Variants in ASRGL1 observed in about 807,000 individuals in gnomAD.
The protein encoded by ASRGL1 is asparaginase and isoaspartyl peptidase 1, also known as isoaspartyl peptidase/L-asparaginase.
ASRGL1 carries 16 observed loss-of-function variants against 22.4 expected under a neutral mutation model. That is an observed-to-expected ratio of 0.71 (90% CI 0.48 to 1.08). The LOEUF (loss-of-function observed/expected upper bound fraction) is 1.08, where lower values mean the gene tolerates loss of function less well. Ranked by LOEUF, ASRGL1 falls within the 50% of genes least tolerant of loss-of-function variation. The pLI is 0.00. For missense variants in ASRGL1, 412 were observed against 410.1 expected (o/e 1.00, Z -0.04); for synonymous variants, 165 against 159.3 (o/e 1.04, Z -0.27).
In ASRGL1 at chr11:62,392,270, A is replaced by G; in HGVS notation, c.913A>G (p.Thr305Ala). ...FGIDPDDTTI[T>A]DLP Reference sequence around the variant, plus strand: ...AATTGATCCTGACGATACTACTATCACCGACCTTCCCTAAGCCGCTGGAAG... The same window carrying G: ...AATTGATCCTGACGATACTACTATCGCCGACCTTCCCTAAGCCGCTGGAAG... Residue 305 changes from threonine (T) to alanine (A), a missense_variant, in exon 7 of 7, where the codon ACC becomes GCC. Physicochemically the swap from Thr to Ala is moderately conservative, Grantham distance 58 (BLOSUM62 0). Transcript: ENST00000415229. 6.2e-7 allele frequency: 1 copy of G among 1,613,714 alleles called. No homozygotes were observed. Among genetic ancestry groups the G allele is most frequent in the Middle Eastern group, 1.8e-4 (1 of 5,682 alleles).
intron 2 of ASRGL1, among the ~76,000 whole-genome samples, chr11:62,352,030 T>C (rs1242517365): frequency 2.0e-5 from 3 of 152,202 alleles, no homozygotes; most frequent in Non-Finnish European, 4.4e-5. Context: ...ATTGTTTCCA[T>C]TTGCCCTTAT....
At chr11:62,382,530 T>C (rs1021603969) in intron 4 of ASRGL1, 3 of 151,930 alleles carry the variant, frequency 2.0e-5, no homozygotes, top group Non-Finnish European at 2.9e-5. Flanking sequence ...AAATAGAACA[T>C]ACAATCGGGT....
chr11:62,359,928 T>C (rs1184508806), intron 4 of ASRGL1, among the ~76,000 whole-genome samples: 2 of 152,012 alleles, frequency 1.3e-5, no homozygotes, highest in Non-Finnish European at 2.9e-5. Context: ...AACTTTAACA[T>C]TAATAAAAAT....
chr11:62,389,667 G>C, intron 5 of ASRGL1: 1 of 328,578 alleles, frequency 3.0e-6, no homozygotes, highest in South Asian at 2.6e-5. Flanking sequence ...TGTTAGATCT[G>C]AGCAGCATGA....
intron 2 of ASRGL1, among the ~76,000 whole-genome samples, chr11:62,347,424 G>C (rs1024863004): frequency 6.6e-6 from 1 of 152,078 alleles, no homozygotes; most frequent in Non-Finnish European, 1.5e-5. Context: ...TTACACGATT[G>C]GTTCCCTGGC....
chr11:62,386,375 T>C (rs1449771904), intron 4 of ASRGL1, among the ~76,000 whole-genome samples: 1 of 94,586 alleles, frequency 1.1e-5, no homozygotes, highest in Admixed American at 1.1e-4. Context: ...CTATAGTATA[T>C]TGTTATAATT....
At chr11:62,394,732 T>G (rs1947411988), downstream of ASRGL1, among the ~76,000 whole-genome samples, 1 of 152,196 alleles carries the variant, frequency 6.6e-6, no homozygotes, top group African/African-American at 2.4e-5. Flanking sequence ...TGTGGCCACT[T>G]GACCTCTTTA....
downstream of ASRGL1, among the ~76,000 whole-genome samples, chr11:62,395,745 T>G (rs1947424835): frequency 1.3e-5 from 2 of 150,184 alleles, no homozygotes; most frequent in South Asian, 4.2e-4. Flanking sequence ...TGCATTTGGA[T>G]TTTGTAGCTG....
chr11:62,394,714 G>A (rs1229702094), downstream of ASRGL1, among the ~76,000 whole-genome samples: 2 of 152,170 alleles, frequency 1.3e-5, no homozygotes, highest in African/African-American at 2.4e-5. Context: ...ATTACCGTAG[G>A]CTCAGCTTGT....
chr11:62,358,144 G>A (rs1268875559), intron 4 of ASRGL1, among the ~76,000 whole-genome samples: 5 of 152,142 alleles, frequency 3.3e-5, no homozygotes, highest in East Asian at 3.9e-4. Flanking sequence ...CGAGGCGGAC[G>A]GATTGCCTCA....
In ASRGL1 at chr11:62,363,082, C is replaced by T. The variant is rs571528347; in HGVS notation, c.491+5938C>T. 3.1e-4 allele frequency among the ~76,000 whole-genome samples: 47 copies of T among 149,896 alleles called. No individual in the cohort carries two copies. The East Asian group carries it at 8.0e-3, about 26-fold the overall frequency. On this transcript the variant is annotated intron_variant, in intron 4 of 6. Coordinates refer to ENST00000415229, the MANE Select transcript of ASRGL1 (RefSeq NM_001083926.2). ...CCGAGTAGCTGGGACTACAGGCGCC[C>T]GCCACCACGCCCGGCTAATTTTTTG...
rs1344022573 is a variant in ASRGL1, at chr11:62,356,209, C to T, written c.191-116C>T. 1.8e-5 allele frequency: 23 copies of T among 1,261,804 alleles called. No homozygotes were observed. The Admixed American group carries it at 3.7e-4, about 20-fold the overall frequency. The allele number at this position is 1,261,804 out of a possible 1,614,324, so 78.2% of individuals were successfully genotyped here. ...CCCAGTAGGGGCAGCCGGGCAGAGG[C>T]GCCCCTCACCTCCCGGATGGGGCGG... On this transcript the variant is annotated intron_variant, in intron 2 of 6. Transcript: ENST00000415229.
At chr11:62,386,694 G>A (rs1403392733) in intron 4 of ASRGL1, among the ~76,000 whole-genome samples, 6 of 152,122 alleles carry the variant, frequency 3.9e-5, no homozygotes, top group African/African-American at 1.4e-4. Flanking sequence ...AGATACACAG[G>A]TGTATAATTG....
chr11:62,395,309 C>A (rs1380748279), downstream of ASRGL1, among the ~76,000 whole-genome samples: 2 of 152,230 alleles, frequency 1.3e-5, no homozygotes, highest in Admixed American at 1.3e-4. Flanking sequence ...CTTGCTCCTT[C>A]CAGCCAGGAA....
chr11:62,356,874 A>G (rs1946309644), intron 3 of ASRGL1, 113 bp from the exon 4 acceptor site: 1 of 1,296,900 alleles, frequency 7.7e-7, no homozygotes, highest in East Asian at 2.5e-5. Flanking sequence ...TGGAATTTGT[A>G]TTTTTGATCC....
At chr11:62,363,531 T>C (rs1356897379) in intron 4 of ASRGL1, among the ~76,000 whole-genome samples, 1 of 152,220 alleles carries the variant, frequency 6.6e-6, no homozygotes, top group Non-Finnish European at 1.5e-5. Flanking sequence ...TAAAAGAATT[T>C]ATCTGCATAG....
chr11:62,372,091 A>G (rs1373609370), intron 4 of ASRGL1: 1 of 773,544 alleles, frequency 1.3e-6, no homozygotes. Context: ...CCTGTGCTGC[A>G]CACAGCCTCC....
chr11:62,351,604 C>T (rs1355030405), intron 2 of ASRGL1, among the ~76,000 whole-genome samples: 1 of 150,034 alleles, frequency 6.7e-6, no homozygotes, highest in Non-Finnish European at 1.5e-5. Context: ...GAGTAGAGAT[C>T]GTGTCACTGC....
chr11:62,351,935 A>C (rs1946176671), intron 2 of ASRGL1, among the ~76,000 whole-genome samples: 2 of 152,140 alleles, frequency 1.3e-5, no homozygotes, highest in Admixed American at 1.3e-4. Flanking sequence ...TGGCCTCCAA[A>C]GTGCTGAGAT....
Sources: gnomAD v4.1 joint callset for allele counts (sites outside exome capture counted in the v4.1 genomes callset) on GRCh38, gnomAD v4.1.1 for gene constraint, MANE v1.5 for transcripts, NCBI Gene and HGNC (gene_info 2026-07-23, HGNC 2026-07-21) for gene names.